The following ANK3 variants were observed in gnomAD, a reference collection of about 807,000 sequenced individuals.
ANK3 encodes ankyrin-3.
Under a neutral mutation model 370.9 loss-of-function variants are expected in ANK3, and 57 were observed. The observed-to-expected ratio is 0.15, with a 90% confidence interval of 0.12 to 0.19. The LOEUF (loss-of-function observed/expected upper bound fraction) is 0.19, where lower values mean the gene tolerates loss of function less well. Ranked by LOEUF, ANK3 falls within the 10% of genes least tolerant of loss-of-function variation. The pLI, the probability that ANK3 is intolerant of heterozygous loss-of-function variation, is 1.00. For synonymous variants in ANK3, 1,929 were observed against 1,946.3 expected, an observed-to-expected ratio of 0.99 and a Z score of 0.23; for missense variants, 4,439 against 5,302.1, an observed-to-expected ratio of 0.84 and a Z score of 5.06.
At chr10:60,616,429 C>A (rs1202863339) in intron 1 of ANK3, among the ~76,000 whole-genome samples, 1 of 152,156 alleles carries the variant, frequency 6.6e-6, no homozygotes, top group Admixed American at 6.6e-5. Context: ...CACACAGTCT[C>A]ACATATACAG....
At chr10:60,080,487 CTCT>C (rs1407981741) in intron 36 of ANK3, 47 bp downstream of exon 36, 1 of 1,522,050 alleles carries the variant, frequency 6.6e-7, no homozygotes, top group African/African-American at 1.4e-5. Flanking sequence ...GAAAAAATGT[CTCT>C]TCTTATGAAA....
At chr10:60,034,223 C>T (rs2074411947) in intron 43 of ANK3, among the ~76,000 whole-genome samples, 1 of 151,230 alleles carries the variant, frequency 6.6e-6, no homozygotes, top group South Asian at 2.1e-4. Flanking sequence ...TCCCCTGCCT[C>T]AGCTTCCTGA....
chr10:60,312,591 T>C (rs1462441713), intron 1 of ANK3, among the ~76,000 whole-genome samples: 1 of 152,154 alleles, frequency 6.6e-6, no homozygotes, highest in East Asian at 1.9e-4. Context: ...TGGGACCTCA[T>C]AGTCAGTGGG....
At chr10:60,637,353 T>G (rs1468403249) in intron 1 of ANK3, among the ~76,000 whole-genome samples, 4 of 152,182 alleles carry the variant, frequency 2.6e-5, no homozygotes, top group Non-Finnish European at 5.9e-5. Context: ...GCATAGCAAT[T>G]GCATTTGATA....
chr10:60,216,326 C>T (rs2096936363), intron 8 of ANK3, among the ~76,000 whole-genome samples: 1 of 152,138 alleles, frequency 6.6e-6, no homozygotes, highest in Non-Finnish European at 1.5e-5. Flanking sequence ...TGAGACAGGG[C>T]ATCCTTGTTT....
chr10:60,372,575 C>G (rs1312056829), intron 1 of ANK3, among the ~76,000 whole-genome samples: 2 of 152,144 alleles, frequency 1.3e-5, no homozygotes, highest in African/African-American at 4.8e-5. Flanking sequence ...CAGAACTGTT[C>G]AGCAATGGGG....
chr10:60,733,511 G>A (rs112613534), upstream of ANK3: 5 of 440,938 alleles, frequency 1.1e-5, no homozygotes, highest in Non-Finnish European at 1.8e-5. Flanking sequence ...ACCGCCAGGT[G>A]CCCGCGCGGG....
chr10:60,237,607 T>A (rs199517674), intron 7 of ANK3, among the ~76,000 whole-genome samples: 247 of 151,944 alleles, frequency 1.6e-3, no homozygotes, highest in African/African-American at 3.3e-3. Context: ...CTCTTTTTTT[T>A]AAATTTAATT....
chr10:60,095,861 T>C (rs1379442454), intron 28 of ANK3, among the ~76,000 whole-genome samples: 2 of 152,172 alleles, frequency 1.3e-5, no homozygotes, highest in Non-Finnish European at 2.9e-5. Context: ...TTCTGGAAGT[T>C]TTGTATTACA....
At chr10:60,654,346 A>C (rs904288059) in intron 1 of ANK3, among the ~76,000 whole-genome samples, 2 of 152,142 alleles carry the variant, frequency 1.3e-5, no homozygotes, top group Non-Finnish European at 2.9e-5. Context: ...TACCGTGTTG[A>C]AAAGAAGTGA....
intron 2 of ANK3, among the ~76,000 whole-genome samples, chr10:60,581,733 C>G (rs770211066): frequency 6.6e-6 from 1 of 152,024 alleles, no homozygotes; most frequent in Non-Finnish European, 1.5e-5. Flanking sequence ...CCACAGTGCC[C>G]GGCCATTTTG....
intron 16 of ANK3, among the ~76,000 whole-genome samples, chr10:60,193,610 G>A (rs372596819): frequency 2.0e-5 from 3 of 151,130 alleles, no homozygotes; most frequent in East Asian, 2.0e-4. Context: ...AGCCAAGATC[G>A]TGCCACTACA....
intron 38 of ANK3, among the ~76,000 whole-genome samples, chr10:60,066,914 T>G (rs932309816): frequency 6.6e-6 from 1 of 152,280 alleles, no homozygotes. Flanking sequence ...AATCTCATCA[T>G]CTTTTATTTT....
intron 2 of ANK3, among the ~76,000 whole-genome samples, chr10:60,606,260 T>C (rs2078127188): frequency 6.6e-6 from 1 of 152,104 alleles, no homozygotes; most frequent in Non-Finnish European, 1.5e-5. Flanking sequence ...TAAATTTGGG[T>C]TGAGGAACAT....
At chr10:60,149,568 A>C (rs943093609) in intron 23 of ANK3, among the ~76,000 whole-genome samples, 5 of 152,164 alleles carry the variant, frequency 3.3e-5, no homozygotes, top group African/African-American at 1.2e-4. Flanking sequence ...TGCTCACTCT[A>C]TCATAGCTTC....
At position 60,071,051 on chromosome 10, in the gene ANK3, T is replaced by G; in HGVS notation, c.9830A>C (p.Lys3277Thr). 2 of 1,614,148 alleles carry G rather than the reference T, an allele frequency of 1.2e-6. No homozygotes were observed. The highest frequency in any genetic ancestry group is 1.7e-6 in the Non-Finnish European group (2 of 1,180,004). ...SDKKHHYLPEKEVDMIEVNLQ... is the reference protein window; with the variant it reads ...SDKKHHYLPETEVDMIEVNLQ... Reference sequence around the variant, plus strand: ...ATTGACTTCAATCATGTCAACCTCTTTTTCTGGGAGATAATGATGCTTCTT... The same window carrying G: ...ATTGACTTCAATCATGTCAACCTCTGTTTCTGGGAGATAATGATGCTTCTT... Residue 3277 changes from lysine to threonine, a missense_variant, in exon 37 of 44, where the codon AAA becomes ACA. By Grantham distance (78) the Lys-to-Thr change is moderately conservative. Around this residue, in one of 13 missense-constraint regions of ANK3, gnomAD observed 1,601 missense variants for 1,731.7 expected, o/e 0.92. Transcript: ENST00000280772.
At chr10:60,256,483 A>T (rs1025404503) in intron 7 of ANK3, among the ~76,000 whole-genome samples, 1 of 152,198 alleles carries the variant, frequency 6.6e-6, no homozygotes, top group Non-Finnish European at 1.5e-5. Context: ...TAATTCTTTT[A>T]AAAAAATAAT....
chr10:60,263,910 G>A lies in ANK3; in HGVS notation c.624C>T (p.Ile208=), dbSNP rs775504143. Residue 208 remains isoleucine, a synonymous_variant, in exon 6 of 44, where the codon ATC becomes ATT. Coordinates refer to ENST00000280772, the MANE Select transcript of ANK3 (RefSeq NM_020987.5). ...KGKVRLPALH[I]AARKDDTKAA... ...CTTTCGTGTCGTCTTTTCGGGCCGC[G>A]ATATGAAGAGCTGGGAGACGCACTT... 5 of 1,614,076 alleles carry A rather than the reference G, an allele frequency of 3.1e-6. No individual in the cohort carries two copies. Among genetic ancestry groups the A allele is most frequent in the South Asian group, 2.2e-5 (2 of 91,074 alleles).
intron 26 of ANK3, among the ~76,000 whole-genome samples, chr10:60,111,087 G>A (rs971482462): frequency 6.6e-6 from 1 of 152,210 alleles, no homozygotes; most frequent in Non-Finnish European, 1.5e-5. Flanking sequence ...CTGTGTAGGT[G>A]AGACTCGGTT....
Sources: gnomAD v4.1 joint callset for allele counts (sites outside exome capture counted in the v4.1 genomes callset) on GRCh38, gnomAD v4.1.1 for gene constraint, gnomAD v4.1.1 regional missense constraint, MANE v1.5 for transcripts, NCBI Gene and HGNC (gene_info 2026-07-23, HGNC 2026-07-21) for gene names.